CNTNAP5: variants seen among roughly 807,000 people sequenced by gnomAD.
CNTNAP5 encodes the protein contactin-associated protein-like 5.
Under a neutral mutation model 150.2 loss-of-function variants are expected in CNTNAP5, and 72 were observed. The observed-to-expected ratio is 0.48, with a 90% CI of 0.40 to 0.58. The LOEUF (loss-of-function observed/expected upper bound fraction) is 0.58, where lower values mean the gene tolerates loss of function less well. CNTNAP5 is among the 20% of genes least tolerant of loss of function. The pLI is 0.00. For synonymous variants in CNTNAP5, 672 were observed against 619.8 expected (o/e 1.08, Z -1.25); for missense variants, 1,636 against 1,626.2 (o/e 1.01, Z -0.10).
At chr2:124,497,809 A>C (rs1367210727) in intron 7 of CNTNAP5, among the ~76,000 whole-genome samples, 1 of 152,168 alleles carries the variant, frequency 6.6e-6, no homozygotes, top group Non-Finnish European at 1.5e-5. Context: ...TCTATTATAC[A>C]ATCACATTCA....
At chr2:124,235,653 T>A (rs1686728309) in intron 2 of CNTNAP5, among the ~76,000 whole-genome samples, 1 of 152,142 alleles carries the variant, frequency 6.6e-6, no homozygotes, top group Non-Finnish European at 1.5e-5. Context: ...ACTTCCCAAA[T>A]GAACTACTTG....
chr2:124,518,105 G>A (rs565947408), intron 8 of CNTNAP5, among the ~76,000 whole-genome samples: 1 of 152,158 alleles, frequency 6.6e-6, no homozygotes, highest in Non-Finnish European at 1.5e-5. Flanking sequence ...AGAATACCCA[G>A]GGCCAGTGTT....
intron 13 of CNTNAP5, among the ~76,000 whole-genome samples, chr2:124,695,016 G>C (rs1052579040): frequency 1.4e-5 from 2 of 144,232 alleles, no homozygotes; most frequent in African/African-American, 2.5e-5. Context: ...GTGTGTGTGT[G>C]TGTGTGTTAC....
At chr2:124,085,134 C>G (rs1392891185) in intron 1 of CNTNAP5, among the ~76,000 whole-genome samples, 1 of 151,870 alleles carries the variant, frequency 6.6e-6, no homozygotes, top group Non-Finnish European at 1.5e-5. Flanking sequence ...GTTGGTCAGG[C>G]TGGTCTTGAA....
At chr2:124,371,357 G>C (rs1197110212) in intron 3 of CNTNAP5, among the ~76,000 whole-genome samples, 9 of 152,014 alleles carry the variant, frequency 5.9e-5, no homozygotes, top group African/African-American at 1.9e-4. Context: ...ATGTAACAAG[G>C]GATGGAAATT....
intron 1 of CNTNAP5, among the ~76,000 whole-genome samples, chr2:124,118,434 G>A (rs1683481032): frequency 6.6e-6 from 1 of 152,190 alleles, no homozygotes; most frequent in South Asian, 2.1e-4. Context: ...GCAGATTGAA[G>A]GGATAGTAAA....
chr2:124,384,727 C>T (rs1027021024), intron 3 of CNTNAP5, among the ~76,000 whole-genome samples: 2 of 152,164 alleles, frequency 1.3e-5, no homozygotes, highest in Non-Finnish European at 2.9e-5. Flanking sequence ...AGTAGGCAAA[C>T]GTGAAATAAA....
intron 3 of CNTNAP5, among the ~76,000 whole-genome samples, chr2:124,383,151 A>G (rs948056209): frequency 1.3e-5 from 2 of 152,166 alleles, no homozygotes; most frequent in African/African-American, 4.8e-5. Context: ...CTTTCTTGCA[A>G]GAAGTTTAAC....
intron 10 of CNTNAP5, among the ~76,000 whole-genome samples, chr2:124,531,645 G>A (rs756040420): frequency 2.6e-5 from 4 of 152,256 alleles, no homozygotes; most frequent in Non-Finnish European, 5.9e-5. Context: ...ACCTGGAGAC[G>A]TATGTCAGTG....
intron 1 of CNTNAP5, among the ~76,000 whole-genome samples, chr2:124,063,669 G>C (rs1378904283): frequency 6.6e-6 from 1 of 152,068 alleles, no homozygotes; most frequent in Non-Finnish European, 1.5e-5. Flanking sequence ...TAAAATAAGT[G>C]CCCAGAATGA....
chr2:124,100,864 C>CAAAAAAAAAAAAAAAAAAAAAAAAAAA (rs60441145), intron 1 of CNTNAP5, among the ~76,000 whole-genome samples: 1 of 88,050 alleles, frequency 1.1e-5, no homozygotes, highest in Non-Finnish European at 2.3e-5. Flanking sequence ...GACTCTGTCT[C>CAAAAAAAAAAAAAAAAAAAAAAAAAAA]AAAAAAAAAA....
rs1333098956 is a variant in CNTNAP5 at position 124,919,999 on chromosome 2, A to G, written c.*5711A>G. On this transcript the variant is annotated 3_prime_UTR_variant, in exon 24 of 24. Coordinates refer to ENST00000682447, the MANE Select transcript of CNTNAP5 (RefSeq NM_001367498.1). ...ACATGAATAAGCATAACATAACTGT[A>G]AGAAGGAGTGTAGTGTCCCAGCCCT... is the stretch of plus-strand genomic sequence containing the variant. Among the ~76,000 whole-genome samples, 2 of 152,026 alleles carry G rather than the reference A, an allele frequency of 1.3e-5. No individual in the cohort carries two copies. Among genetic ancestry groups the G allele is most frequent in the Non-Finnish European group, 2.9e-5 (2 of 67,994 alleles).
intron 1 of CNTNAP5, among the ~76,000 whole-genome samples, chr2:124,205,434 TTG>T (rs1169940735): frequency 4.0e-5 from 6 of 151,292 alleles, no homozygotes; most frequent in East Asian, 1.9e-4. Context: ...TTTTTTTTTT[TTG>T]GAAATGGAGT....
chr2:124,818,079 A>G (rs1682403497), intron 19 of CNTNAP5, among the ~76,000 whole-genome samples: 1 of 152,158 alleles, frequency 6.6e-6, no homozygotes, highest in Admixed American at 6.5e-5. Context: ...GATATAGCTA[A>G]GATGTGACAC....
At chr2:124,524,593 C>T (rs1694923103) in intron 9 of CNTNAP5, 141 bp downstream of exon 9, 1 of 754,100 alleles carries the variant, frequency 1.3e-6, no homozygotes, top group African/African-American at 1.8e-5. Flanking sequence ...CACATACACA[C>T]ACACCCTCAA....
At chr2:124,450,200 A>G (rs969716019) in intron 6 of CNTNAP5, among the ~76,000 whole-genome samples, 2 of 151,936 alleles carry the variant, frequency 1.3e-5, no homozygotes. Flanking sequence ...TAATTTTTGG[A>G]GCATGTACTA....
chr2:124,665,611 G>T (rs1678681844), intron 13 of CNTNAP5, among the ~76,000 whole-genome samples: 1 of 152,174 alleles, frequency 6.6e-6, no homozygotes, highest in Non-Finnish European at 1.5e-5. Flanking sequence ...TATTGGCCAG[G>T]CGTGGTGGCT....
At chr2:124,070,354 G>A (rs2104663415) in intron 1 of CNTNAP5, among the ~76,000 whole-genome samples, 1 of 132,160 alleles carries the variant, frequency 7.6e-6, no homozygotes, top group Non-Finnish European at 1.6e-5. Context: ...AATGTGAATG[G>A]ACTAAACTCT....
chr2:124,140,258 C>T (rs1207143064), intron 1 of CNTNAP5, among the ~76,000 whole-genome samples: 8 of 150,906 alleles, frequency 5.3e-5, no homozygotes, highest in Admixed American at 4.6e-4. Flanking sequence ...ACAAAGCAGC[C>T]GGGAAGCTCC....
Sources: allele counts gnomAD v4.1 joint callset (sites outside exome capture counted in the v4.1 genomes callset), GRCh38; gene constraint gnomAD v4.1.1; transcripts MANE v1.5; gene names NCBI Gene and HGNC (gene_info 2026-07-23, HGNC 2026-07-21).